SPAG16: variants seen among roughly 807,000 people sequenced by gnomAD.
SPAG16 encodes the protein sperm associated antigen 16, also known as sperm-associated antigen 16 protein.
Under a neutral mutation model 80.4 loss-of-function variants are expected in SPAG16, and 86 were observed. The ratio of observed to expected loss-of-function variants is 1.07; its 90% confidence interval spans 0.90 to 1.28. SPAG16 has a LOEUF of 1.28. Among genes scored for constraint, SPAG16 ranks in the 50% most tolerant of loss-of-function variants. The probability of loss-of-function intolerance (pLI) is 0.00; values close to 1 mark genes in which losing one functional copy is unlikely to be tolerated. For missense variants in SPAG16, 870 were observed against 765.3 expected, an observed-to-expected ratio of 1.14 and a Z score of -1.61; for synonymous variants, 294 against 265.9, an observed-to-expected ratio of 1.11 and a Z score of -1.03.
intron 10 of SPAG16, among the ~76,000 whole-genome samples, chr2:213,860,994 G>A (rs983037105): frequency 6.6e-6 from 1 of 152,094 alleles, no homozygotes; most frequent in African/African-American, 2.4e-5. Context: ...TTCTATAAAT[G>A]TATCTTCTAT....
In SPAG16 at chr2:213,418,196, G is replaced by A. The variant is rs1384802765; in HGVS notation, c.942+43077G>A. On this transcript the variant is annotated intron_variant, in intron 9 of 15. Coordinates refer to ENST00000331683, the MANE Select transcript of SPAG16 (RefSeq NM_024532.5). Reference sequence around the variant, plus strand: ...CTACAGCATATATACTATTAAACATGTATACACATATATGCATACATGGTA... The same window carrying A: ...CTACAGCATATATACTATTAAACATATATACACATATATGCATACATGGTA... Among the ~76,000 whole-genome samples the A allele has an allele frequency of 7.2e-5, 11 of 152,072 alleles. No homozygotes were observed. In the East Asian group the frequency reaches 1.9e-3, roughly 27 times the overall value.
intron 10 of SPAG16, among the ~76,000 whole-genome samples, chr2:213,555,393 A>T (rs2059394746): frequency 6.6e-6 from 1 of 152,156 alleles, no homozygotes; most frequent in Non-Finnish European, 1.5e-5. Flanking sequence ...ACAAGGTGTC[A>T]TGGTTGTATA....
At chr2:213,298,361 T>A (rs2062594182) in intron 3 of SPAG16, among the ~76,000 whole-genome samples, 1 of 152,228 alleles carries the variant, frequency 6.6e-6, no homozygotes, top group Non-Finnish European at 1.5e-5. Flanking sequence ...TTTGTAGGAA[T>A]AGTTTTAAAA....
chr2:214,391,466 C>T (rs141727403), intron 15 of SPAG16, among the ~76,000 whole-genome samples: 6 of 152,196 alleles, frequency 3.9e-5, no homozygotes, highest in East Asian at 3.9e-4. Flanking sequence ...ATTGGCACTA[C>T]ATTTTATCCA....
intron 12 of SPAG16, among the ~76,000 whole-genome samples, chr2:213,936,456 G>A (rs1374323302): frequency 6.6e-6 from 1 of 152,224 alleles, no homozygotes; most frequent in African/African-American, 2.4e-5. Flanking sequence ...GCAGAGGTGG[G>A]GTGAAAGCTT....
At chr2:213,492,219 G>T (rs2074268199) in intron 10 of SPAG16, among the ~76,000 whole-genome samples, 1 of 152,080 alleles carries the variant, frequency 6.6e-6, no homozygotes, top group African/African-American at 2.4e-5. Context: ...ATTTAAAATT[G>T]TTAGTGTTTC....
At chr2:213,708,200 T>C (rs574567157) in intron 10 of SPAG16, among the ~76,000 whole-genome samples, 5 of 152,148 alleles carry the variant, frequency 3.3e-5, no homozygotes, top group Non-Finnish European at 5.9e-5. Flanking sequence ...TTATTAACTG[T>C]ACAAAACAAA....
intron 11 of SPAG16, among the ~76,000 whole-genome samples, chr2:213,888,901 A>G (rs2076669961): frequency 6.6e-6 from 1 of 152,008 alleles, no homozygotes; most frequent in South Asian, 2.1e-4. Flanking sequence ...CACAGAACGT[A>G]ATCAAATCTA....
intron 9 of SPAG16, among the ~76,000 whole-genome samples, chr2:213,476,861 A>T (rs1226162377): frequency 6.6e-6 from 1 of 152,120 alleles, no homozygotes. Context: ...CAAGCAGTTC[A>T]GAGATTTCTA....
intron 5 of SPAG16, 59 bp downstream of exon 5, chr2:213,317,415 G>T: frequency 6.5e-7 from 1 of 1,535,594 alleles, no homozygotes; most frequent in South Asian, 1.3e-5. Flanking sequence ...TAAAAGAGTT[G>T]AGTGAAGCTG....
chr2:213,901,882 T>G (rs2077235183), intron 11 of SPAG16, among the ~76,000 whole-genome samples: 1 of 151,736 alleles, frequency 6.6e-6, no homozygotes. Flanking sequence ...CTGAATAGAG[T>G]GGCTTTCTTG....
At chr2:213,338,849 C>T (rs977987298) in intron 5 of SPAG16, among the ~76,000 whole-genome samples, 2 of 151,844 alleles carry the variant, frequency 1.3e-5, no homozygotes, top group African/African-American at 2.4e-5. Flanking sequence ...ACCACACACA[C>T]TGGCGCCTGT....
intron 15 of SPAG16, among the ~76,000 whole-genome samples, chr2:214,342,061 GA>G (rs35779841): frequency 0.49 from 74,246 of 151,762 alleles, 21,517 homozygotes; most frequent in Non-Finnish European, 0.65. Flanking sequence ...GAAACTCCAA[GA>G]AAAAAAACAA....
chr2:213,638,117 T>A (rs1423589339), intron 10 of SPAG16, among the ~76,000 whole-genome samples: 1 of 152,242 alleles, frequency 6.6e-6, no homozygotes, highest in Non-Finnish European at 1.5e-5. Context: ...TGATTGAGCT[T>A]CTTTGGATCG....
intron 15 of SPAG16, among the ~76,000 whole-genome samples, chr2:214,382,756 A>G (rs1302882487): frequency 2.0e-5 from 3 of 152,226 alleles, no homozygotes; most frequent in Non-Finnish European, 2.9e-5. Context: ...TAATTGTTCA[A>G]TATGCAGCCA....
At chr2:214,177,975 A>G (rs1436847781) in intron 15 of SPAG16, among the ~76,000 whole-genome samples, 853 of 9,036 alleles carry the variant, frequency 0.094, 29 homozygotes, top group Middle Eastern at 0.3. Flanking sequence ...GTGTATGTAT[A>G]TATATATATA....
chr2:213,388,715 T>G (rs1305056611), intron 9 of SPAG16, among the ~76,000 whole-genome samples: 1 of 152,098 alleles, frequency 6.6e-6, no homozygotes, highest in Non-Finnish European at 1.5e-5. Flanking sequence ...GAACAGGAAA[T>G]TATCAAAGCA....
intron 10 of SPAG16, among the ~76,000 whole-genome samples, chr2:213,686,660 A>T (rs1455788530): frequency 2.3e-5 from 3 of 130,532 alleles, no homozygotes; most frequent in South Asian, 2.8e-4. Flanking sequence ...TGGTATGGTT[A>T]GGTATTAATC....
intron 11 of SPAG16, among the ~76,000 whole-genome samples, chr2:213,906,538 A>G (rs186456266): frequency 4.9e-4 from 75 of 152,320 alleles, no homozygotes; most frequent in Admixed American, 1.3e-3. Context: ...AGAGAACACA[A>G]AAGAGCCTAA....
Sources: gnomAD v4.1 joint callset for allele counts (sites outside exome capture counted in the v4.1 genomes callset) on GRCh38, gnomAD v4.1.1 for gene constraint, MANE v1.5 for transcripts, NCBI Gene and HGNC (gene_info 2026-07-23, HGNC 2026-07-21) for gene names.